TNR: variants seen among roughly 807,000 people sequenced by gnomAD.
TNR encodes the protein tenascin-R.
Under a neutral mutation model 150.4 loss-of-function variants are expected in TNR, and 45 were observed. That is an observed-to-expected ratio of 0.30 (90% CI 0.24 to 0.38). TNR has a LOEUF of 0.38. TNR is among the 10% of genes least tolerant of loss of function. TNR has a pLI of 1.00. For missense variants in TNR, 1,544 were observed against 1,759.1 expected (o/e 0.88, Z 2.19); for synonymous variants, 687 against 678.4 (o/e 1.01, Z -0.20).
At position 175,582,586 on chromosome 1, in the gene TNR, G is replaced by A. The variant is rs114678603; in HGVS notation, c.-164-54217C>T. The stretch of plus-strand genomic sequence containing the variant: ...CTTTGAGGTTGAAACCCTGGGAGAG[G>A]GGGTGGTGGAGAACTCCACATAGTG... On this transcript the variant is annotated intron_variant, in intron 1 of 22. Coordinates refer to ENST00000367674, the MANE Select transcript of TNR (RefSeq NM_003285.3). Among the ~76,000 whole-genome samples, 1,095 of 152,240 alleles carry A rather than the reference G, an allele frequency of 7.2e-3. 16 individuals are homozygous for A. Among genetic ancestry groups the A allele is most frequent in the African/African-American group, 0.024 (1,005 of 41,522 alleles).
In TNR at chr1:175,696,229, T is replaced by TG. The variant is rs1558077881; in HGVS notation, c.-165+46996_-165+46997insC. On this transcript the variant is annotated intron_variant, in intron 1 of 22. Coordinates refer to ENST00000367674, the MANE Select transcript of TNR (RefSeq NM_003285.3). Reference sequence around the variant, plus strand: ...GAGCCTTCCTGTAGTTTTTTTTTTTTTTTTTTTTTTTTTTTCCAAAATTTA... The same window carrying TG: ...GAGCCTTCCTGTAGTTTTTTTTTTTTGTTTTTTTTTTTTTTTCCAAAATTTA... Among the ~76,000 whole-genome samples, 193 of 121,726 alleles carry TG rather than the reference T, an allele frequency of 1.6e-3. 5 individuals carry two copies. The highest frequency in any genetic ancestry group is 0.015 in the East Asian group (52 of 3,368). The allele number at this position is 121,726 out of a possible 152,430, so 79.9% of individuals were successfully genotyped here.
At chr1:175,433,200 C>T (rs1308081869) in intron 2 of TNR, among the ~76,000 whole-genome samples, 1 of 152,146 alleles carries the variant, frequency 6.6e-6, no homozygotes, top group Non-Finnish European at 1.5e-5. Context: ...CTCTGGACTT[C>T]CTATACATGA....
At chr1:175,467,532 C>T (rs1657087047) in intron 2 of TNR, among the ~76,000 whole-genome samples, 1 of 152,168 alleles carries the variant, frequency 6.6e-6, no homozygotes, top group Non-Finnish European at 1.5e-5. Flanking sequence ...GGGATGTCAG[C>T]CCAATGGGGA....
rs946871440 is a variant in TNR at position 175,320,326 on chromosome 1, T to C, written c.*3031A>G. 1 of 152,236 alleles carries C rather than the reference T, an allele frequency of 6.6e-6. No homozygotes were observed. Among genetic ancestry groups the C allele is most frequent in the Non-Finnish European group, 1.5e-5 (1 of 68,014 alleles). The allele number at this position is 152,236 out of a possible 1,614,324, so 9.4% of individuals were successfully genotyped here. A position where few individuals can be genotyped will look rare whatever the true frequency, so the allele number is the denominator to read the frequency against. On this transcript the variant is annotated 3_prime_UTR_variant, in exon 23 of 23. Transcript: ENST00000367674. Reference sequence around the variant, plus strand: ...ACCTTGGGATGAGAGTGGGGCACAGTGTCTTTTAAACATGGTGAAAACTCA... The same window carrying C: ...ACCTTGGGATGAGAGTGGGGCACAGCGTCTTTTAAACATGGTGAAAACTCA...
intron 1 of TNR, among the ~76,000 whole-genome samples, chr1:175,562,463 A>C (rs910714881): frequency 4.6e-5 from 7 of 152,254 alleles, no homozygotes; most frequent in Non-Finnish European, 1.0e-4. Context: ...TTGTAACAGA[A>C]GGCAACTGGA....
chr1:175,347,530 C>T (rs188261835), intron 18 of TNR, among the ~76,000 whole-genome samples: 14 of 152,102 alleles, frequency 9.2e-5, no homozygotes, highest in African/African-American at 2.9e-4. Flanking sequence ...CAGGGTCAAG[C>T]GATTCTCCTG....
chr1:175,637,895 G>C (rs1664535874), intron 1 of TNR, among the ~76,000 whole-genome samples: 3 of 152,176 alleles, frequency 2.0e-5, no homozygotes, highest in Non-Finnish European at 2.9e-5. Flanking sequence ...TCCACAGTGA[G>C]GGAGATGCTG....
intron 1 of TNR, among the ~76,000 whole-genome samples, chr1:175,709,325 A>ACT (rs1666933900): frequency 6.6e-6 from 1 of 151,932 alleles, no homozygotes; most frequent in Admixed American, 6.6e-5. Flanking sequence ...ACACACACAC[A>ACT]CACACACACA....
chr1:175,394,610 C>T (rs1256523268), intron 5 of TNR, among the ~76,000 whole-genome samples: 1 of 152,154 alleles, frequency 6.6e-6, no homozygotes, highest in East Asian at 1.9e-4. Flanking sequence ...CAATTATCAG[C>T]CCTGAAATAT....
chr1:175,324,210 A>G (rs1159621767), intron 22 of TNR, 146 bp downstream of exon 22: 80 of 951,206 alleles, frequency 8.4e-5, no homozygotes, highest in South Asian at 1.7e-5. Context: ...ATCTTATCCC[A>G]TTGTCTGCAT....
chr1:175,392,967 T>C (rs3766674), intron 6 of TNR, among the ~76,000 whole-genome samples: 56,533 of 152,018 alleles, frequency 0.37, 10,825 homozygotes, highest in East Asian at 0.52. Context: ...CAAAAATGTG[T>C]CATTTGTCAT....
chr1:175,640,004 C>A (rs980096323), intron 1 of TNR, among the ~76,000 whole-genome samples: 1 of 152,214 alleles, frequency 6.6e-6, no homozygotes, highest in African/African-American at 2.4e-5. Flanking sequence ...CTGTTTACTG[C>A]TGTAACCCCA....
intron 1 of TNR, among the ~76,000 whole-genome samples, chr1:175,695,977 G>T (rs1474280093): frequency 1.5e-5 from 2 of 137,058 alleles, no homozygotes; most frequent in Admixed American, 7.5e-5. Flanking sequence ...TGCATGGACA[G>T]ATGGATATAT....
Position 175,625,781 on chromosome 1 carries a change from C to T in TNR, c.-164-97412G>A, listed in dbSNP as rs367696365. On this transcript the variant is annotated intron_variant, in intron 1 of 22. Transcript: ENST00000367674. Reference sequence around the variant, plus strand: ...GCAGAGGGCCTGATTTCATGGTCAGCAAGGGTCTCTGAGCCTTCTAGCCCA... The same window carrying T: ...GCAGAGGGCCTGATTTCATGGTCAGTAAGGGTCTCTGAGCCTTCTAGCCCA... Among the ~76,000 whole-genome samples the T allele has an allele frequency of 1.6e-4, 24 of 152,206 alleles. 2 individuals carry two copies. The highest frequency in any genetic ancestry group is 1.2e-3 in the East Asian group (6 of 5,198).
intron 2 of TNR, among the ~76,000 whole-genome samples, chr1:175,426,117 C>T (rs545326473): frequency 5.9e-5 from 9 of 152,260 alleles, no homozygotes; most frequent in East Asian, 5.8e-4. Context: ...TCCAAGAGAG[C>T]GCAGCGTCTG....
At chr1:175,728,251 T>G (rs1281239449) in intron 1 of TNR, among the ~76,000 whole-genome samples, 2 of 152,094 alleles carry the variant, frequency 1.3e-5, no homozygotes, top group East Asian at 3.9e-4. Context: ...GAGGCTGCAA[T>G]TATGTAATTG....
intron 1 of TNR, among the ~76,000 whole-genome samples, chr1:175,685,211 A>G (rs1002468433): frequency 6.6e-6 from 1 of 152,046 alleles, no homozygotes; most frequent in Non-Finnish European, 1.5e-5. Flanking sequence ...TCAGTAATTG[A>G]TCTTCAATTT....
At chr1:175,672,742 G>A (rs1035294080) in intron 1 of TNR, among the ~76,000 whole-genome samples, 7 of 152,242 alleles carry the variant, frequency 4.6e-5, no homozygotes, top group African/African-American at 1.7e-4. Context: ...TGTTTCAGGT[G>A]TGCTGAGGAG....
rs1031488992 is a variant in TNR at position 175,321,213 on chromosome 1, A to G, written c.*2144T>C. The G allele has an allele frequency of 2.6e-5, 4 of 152,222 alleles. No homozygotes were observed. Among genetic ancestry groups the G allele is most frequent in the Non-Finnish European group, 4.4e-5 (3 of 68,060 alleles). The allele number at this position is 152,222 out of a possible 1,614,324, so 9.4% of individuals were successfully genotyped here. On this transcript the variant is annotated 3_prime_UTR_variant, in exon 23 of 23. Coordinates refer to ENST00000367674, the MANE Select transcript of TNR (RefSeq NM_003285.3). ...GTTGAAGCCCATGGTTAACTGAGAA[A>G]TGCAAGTGGTGCCTAGGTTTTTCAG... is the stretch of plus-strand genomic sequence containing the variant.
Sources: allele counts gnomAD v4.1 joint callset (sites outside exome capture counted in the v4.1 genomes callset), GRCh38; gene constraint gnomAD v4.1.1; transcripts MANE v1.5; gene names NCBI Gene and HGNC (gene_info 2026-07-23, HGNC 2026-07-21).